KIF26B: variants seen among roughly 807,000 people sequenced by gnomAD.
KIF26B encodes the protein kinesin family member 26B, also known as kinesin-like protein KIF26B.
In KIF26B, 63 loss-of-function variants were observed where a neutral mutation model predicts 151.2. The ratio of observed to expected loss-of-function variants is 0.42; its 90% CI spans 0.34 to 0.51. The LOEUF (loss-of-function observed/expected upper bound fraction) is 0.51. KIF26B is among the 20% of genes least tolerant of loss of function. The probability of loss-of-function intolerance (pLI) is 0.07; values close to 1 mark genes in which losing one functional copy is unlikely to be tolerated. For synonymous variants in KIF26B, 1,357 were observed against 1,262.1 expected (o/e 1.08, Z -1.59); for missense variants, 2,813 against 2,913.6 (o/e 0.97, Z 0.79).
chr1:245,517,732 C>T (rs573799668), intron 4 of KIF26B, among the ~76,000 whole-genome samples: 106 of 152,138 alleles, frequency 7.0e-4, no homozygotes, highest in Non-Finnish European at 1.2e-3. Context: ...AATTCTGCTT[C>T]GGAGGGAAGG....
At chr1:245,699,526 T>C (rs868361415) in intron 14 of KIF26B, among the ~76,000 whole-genome samples, 4 of 151,622 alleles carry the variant, frequency 2.6e-5, no homozygotes, top group Non-Finnish European at 5.9e-5. Flanking sequence ...CACAGTGTTA[T>C]TTCCATTTAA....
At position 245,442,791 on chromosome 1, in the gene KIF26B, G is replaced by A. The variant is rs56013928; in HGVS notation, c.1166+23046G>A. Among the ~76,000 whole-genome samples, 39 of 77,996 alleles carry A rather than the reference G, an allele frequency of 5.0e-4. 1 individual carries two copies. The highest frequency in any genetic ancestry group is 1.5e-3 in the Admixed American group (10 of 6,656). The allele number at this position is 77,996 out of a possible 152,430, so 51.2% of individuals were successfully genotyped here. ...ATCTCCCTCACTGTTCACCTACAGC[G>A]GTCATCTCCCTCACTGTTCACCTAC... On this transcript the variant is annotated intron_variant, in intron 4 of 14. Transcript: ENST00000407071.
At chr1:245,546,220 G>T (rs374342402) in intron 5 of KIF26B, among the ~76,000 whole-genome samples, 2,889 of 151,262 alleles carry the variant, frequency 0.019, 109 homozygotes, top group African/African-American at 0.065. Flanking sequence ...TGTTTTTTTT[G>T]TTTTTTGTTT....
At chr1:245,179,354 T>C (rs915125171) in intron 2 of KIF26B, among the ~76,000 whole-genome samples, 2 of 152,190 alleles carry the variant, frequency 1.3e-5, no homozygotes, top group Non-Finnish European at 2.9e-5. Context: ...CCGGGCGCAG[T>C]GGCTCATGCC....
rs2043346583 is a variant in KIF26B at position 245,597,502 on chromosome 1, T to C, written c.1351-5075T>C. 6.6e-6 allele frequency among the ~76,000 whole-genome samples: 1 copy of C among 152,226 alleles called. No individual in the cohort carries two copies. The highest frequency in any genetic ancestry group is 2.4e-5 in the African/African-American group (1 of 41,458). The stretch of plus-strand genomic sequence containing the variant: ...TTTCTGCAGAGAGATCTGCTGTTAG[T>C]CTAGGGAAGATGGGCTTCCCTTTGT... On this transcript the variant is annotated intron_variant, in intron 5 of 14. Coordinates refer to ENST00000407071, the MANE Select transcript of KIF26B (RefSeq NM_018012.4). The surrounding 1 kb of genome is among the most constrained non-coding windows in gnomAD (Gnocchi z 4.6).
intron 4 of KIF26B, among the ~76,000 whole-genome samples, chr1:245,423,642 G>A (rs1401004289): frequency 2.6e-5 from 4 of 152,054 alleles, no homozygotes; most frequent in Admixed American, 1.3e-4. Context: ...GAGATAAGAG[G>A]TGACACATTT....
chr1:245,363,267 G>T (rs1672865019), intron 2 of KIF26B, among the ~76,000 whole-genome samples: 1 of 152,206 alleles, frequency 6.6e-6, no homozygotes, highest in Admixed American at 6.5e-5. Flanking sequence ...TGTGATCTCA[G>T]CTCACTGCAA....
At chr1:245,503,277 G>A (rs1206241066) in intron 4 of KIF26B, among the ~76,000 whole-genome samples, 1 of 152,104 alleles carries the variant, frequency 6.6e-6, no homozygotes, top group Non-Finnish European at 1.5e-5. Flanking sequence ...TAGATTTTAT[G>A]TATGGATTTT....
intron 2 of KIF26B, among the ~76,000 whole-genome samples, chr1:245,217,921 T>G (rs1669682432): frequency 6.6e-6 from 1 of 152,122 alleles, no homozygotes; most frequent in African/African-American, 2.4e-5. Flanking sequence ...CACCCGAATT[T>G]TACAAAAGTG....
chr1:245,156,986 G>A (rs1335174588), intron 2 of KIF26B, among the ~76,000 whole-genome samples: 2 of 152,224 alleles, frequency 1.3e-5, no homozygotes, highest in African/African-American at 4.8e-5. Context: ...CCCCCTCCCA[G>A]CTCTCCCTGG....
intron 10 of KIF26B, among the ~76,000 whole-genome samples, chr1:245,679,033 T>A (rs906427519): frequency 1.3e-5 from 2 of 152,132 alleles, no homozygotes; most frequent in Admixed American, 6.5e-5. Flanking sequence ...GCTTGGTGGT[T>A]CAGTGTCTGG....
At chr1:245,368,831 C>G (rs1316813996) in intron 3 of KIF26B, among the ~76,000 whole-genome samples, 1 of 152,082 alleles carries the variant, frequency 6.6e-6, no homozygotes, top group African/African-American at 2.4e-5. Flanking sequence ...CATCTATATT[C>G]CAGTGACAAG....
At chr1:245,599,090 A>T (rs1377662454) in intron 5 of KIF26B, among the ~76,000 whole-genome samples, 1 of 152,042 alleles carries the variant, frequency 6.6e-6, no homozygotes, top group African/African-American at 2.4e-5. Context: ...GTTGCCAAGA[A>T]CCTAAGGGTG....
intron 4 of KIF26B, among the ~76,000 whole-genome samples, chr1:245,439,289 G>A (rs1659006802): frequency 1.4e-5 from 2 of 147,816 alleles, no homozygotes; most frequent in South Asian, 2.1e-4. Context: ...TAAGGCTACA[G>A]TGAGCCATGA....
chr1:245,622,514 A>G (rs926014880), intron 9 of KIF26B, among the ~76,000 whole-genome samples: 2 of 152,088 alleles, frequency 1.3e-5, no homozygotes, highest in African/African-American at 4.8e-5. Flanking sequence ...GATCCCTCCC[A>G]CGCACCCCGA....
intron 2 of KIF26B, among the ~76,000 whole-genome samples, chr1:245,180,051 C>T (rs775593374): frequency 1.2e-4 from 18 of 152,194 alleles, no homozygotes; most frequent in African/African-American, 3.4e-4. Flanking sequence ...CCTGGATAAT[C>T]GCTGGCAGCA....
chr1:245,211,995 G>A (rs1462214352), intron 2 of KIF26B, among the ~76,000 whole-genome samples: 1 of 152,210 alleles, frequency 6.6e-6, no homozygotes, highest in Non-Finnish European at 1.5e-5. Context: ...CTGGTGGGAA[G>A]TGGTACTCCC....
At chr1:245,484,767 ATATTATTAT>A (rs771748723) in intron 4 of KIF26B, among the ~76,000 whole-genome samples, 27 of 134,268 alleles carry the variant, frequency 2.0e-4, no homozygotes, top group African/African-American at 4.6e-4. Context: ...CTTCTTCTTC[ATATTATTAT>A]TATTATTATT....
intron 2 of KIF26B, among the ~76,000 whole-genome samples, chr1:245,256,013 GA>G (rs1248435121): frequency 6.6e-6 from 1 of 152,112 alleles, no homozygotes; most frequent in East Asian, 1.9e-4. Flanking sequence ...CCACTGTAAG[GA>G]AGTTTTCCTT....
Sources: gnomAD v4.1 joint callset for allele counts (sites outside exome capture counted in the v4.1 genomes callset) on GRCh38, gnomAD v4.1.1 for gene constraint, Gnocchi (gnomAD v3.1) non-coding constraint, MANE v1.5 for transcripts, NCBI Gene and HGNC (gene_info 2026-07-23, HGNC 2026-07-21) for gene names.